Variants in NET1 observed in about 807,000 individuals in gnomAD.
NET1 encodes neuroepithelial cell-transforming gene 1 protein.
In NET1, 42 loss-of-function variants were observed where a neutral mutation model predicts 61.1. The ratio of observed to expected loss-of-function variants is 0.69; its 90% confidence interval spans 0.54 to 0.89. The LOEUF is 0.89. Ranked by LOEUF, NET1 falls within the 40% of genes least tolerant of loss-of-function variation. The pLI is 0.00. For missense variants in NET1, 654 were observed against 747.3 expected (o/e 0.88, Z 1.46); for synonymous variants, 254 against 281.8 (o/e 0.90, Z 0.99).
Position 5,412,931 on chromosome 10 carries a change from C to T in NET1, c.128+111C>T. On this transcript the variant is annotated intron_variant, in intron 1 of 11. Transcript: ENST00000355029. This position sits in a 1 kb window ranked among gnomAD's most constrained non-coding sequence, Gnocchi z 6.5. ...GGGCCGGGGGGAGGGGAGGGCTGGC[C>T]GGGAGTTGGATGTGGGGGGCGGCGA... The T allele has an allele frequency of 3.7e-6, 1 of 272,002 alleles. No homozygotes were observed. Among genetic ancestry groups the T allele is most frequent in the Non-Finnish European group, 5.3e-6 (1 of 189,188 alleles). 16.8% of individuals were successfully genotyped at this position (272,002 alleles called of 1,614,324 possible).
rs112139942 is a variant in NET1, at chr10:5,439,238, C to T, written c.255+10009C>T. Among the ~76,000 whole-genome samples the T allele has an allele frequency of 2.5e-3, 385 of 152,298 alleles. No homozygotes were observed. The highest frequency in any genetic ancestry group is 8.9e-3 in the African/African-American group (368 of 41,568). On this transcript the variant is annotated intron_variant, in intron 3 of 11. Transcript: ENST00000355029. The surrounding 1 kb of genome is among the most constrained non-coding windows in gnomAD (Gnocchi z 4.8). Reference sequence around the variant, plus strand: ...CTGACACTGGAGTGTTCTCCTTTGCCGCTCTCTTTAGGATTACCCCTGAAT... The same window carrying T: ...CTGACACTGGAGTGTTCTCCTTTGCTGCTCTCTTTAGGATTACCCCTGAAT...
At chr10:5,428,771 G>A (rs1412947101) in intron 2 of NET1, among the ~76,000 whole-genome samples, 1 of 149,540 alleles carries the variant, frequency 6.7e-6, no homozygotes, top group Admixed American at 6.7e-5. Flanking sequence ...CACCCAGGCT[G>A]GAGTGCAGTG....
intron 3 of NET1, among the ~76,000 whole-genome samples, chr10:5,438,257 A>T (rs1288175857): frequency 6.6e-6 from 1 of 152,186 alleles, no homozygotes; most frequent in Non-Finnish European, 1.5e-5. Context: ...AGAACGGTGG[A>T]GATAAATAAA....
Position 5,456,560 on chromosome 10 carries a change from CTTTT to C in NET1, c.1385-21_1385-18del. On this transcript the variant is annotated intron_variant, in intron 11 of 11. Transcript: ENST00000355029. This position sits in a 1 kb window ranked among gnomAD's most constrained non-coding sequence, Gnocchi z 7.0. ...AATAAACCTTTTTTTAGCCTGATTT[CTTTT>C]TTTTTTCCAATTTTTTTTTTCAGCT... is the stretch of plus-strand genomic sequence containing the variant. The C allele has an allele frequency of 1.5e-6, 2 of 1,376,388 alleles. No homozygotes were observed. 85.3% of individuals were successfully genotyped at this position (1,376,388 alleles called of 1,614,324 possible). A position where few individuals can be genotyped will look rare whatever the true frequency, so the allele number is the denominator to read the frequency against.
chr10:5,442,109 A>G (rs1832531674), intron 3 of NET1, among the ~76,000 whole-genome samples: 1 of 152,244 alleles, frequency 6.6e-6, no homozygotes, highest in African/African-American at 2.4e-5. Flanking sequence ...AAGGCTGTAC[A>G]AAGACTGAAA....
At chr10:5,414,931 C>T (rs1328757039) in intron 1 of NET1, among the ~76,000 whole-genome samples, 1 of 152,128 alleles carries the variant, frequency 6.6e-6, no homozygotes, top group Non-Finnish European at 1.5e-5. Flanking sequence ...GGAAATGATA[C>T]ATTGTGAGAA....
chr10:5,420,165 T>C lies in NET1; in HGVS notation c.129-6490T>C, dbSNP rs1356418757. ...CATTATGTGTATTTGAAGGGAAATA[T>C]AGCAAATAAAACAAAATTTTAATGC... On this transcript the variant is annotated intron_variant, in intron 1 of 11. Coordinates refer to ENST00000355029, the MANE Select transcript of NET1 (RefSeq NM_001047160.3). The surrounding 1 kb of genome is among the most constrained non-coding windows in gnomAD (Gnocchi z 5.3). Among the ~76,000 whole-genome samples, 1 of 152,226 alleles carries C rather than the reference T, an allele frequency of 6.6e-6. No homozygotes were observed. The highest frequency in any genetic ancestry group is 2.4e-5 in the African/African-American group (1 of 41,466).
chr10:5,413,932 A>G (rs1339891249), intron 1 of NET1, among the ~76,000 whole-genome samples: 3 of 152,202 alleles, frequency 2.0e-5, no homozygotes, highest in Non-Finnish European at 4.4e-5. Flanking sequence ...AAAAGTTATT[A>G]TAGTGATATA....
chr10:5,452,672 A>G lies in NET1; in HGVS notation c.531+147A>G, dbSNP rs749833454. The G allele has an allele frequency of 1.1e-6, 1 of 943,378 alleles. No individual in the cohort carries two copies. Among genetic ancestry groups the G allele is most frequent in the Non-Finnish European group, 1.6e-6 (1 of 634,510 alleles). The allele number at this position is 943,378 out of a possible 1,614,324, so 58.4% of individuals were successfully genotyped here. On this transcript the variant is annotated intron_variant, in intron 5 of 11. Transcript: ENST00000355029. The surrounding 1 kb of genome is among the most constrained non-coding windows in gnomAD (Gnocchi z 4.0). The stretch of plus-strand genomic sequence containing the variant: ...TGATGGATGGTGGTCAAATTAAACA[A>G]CTCTAATAGGGTAAACTTACCAAAC...
At chr10:5,436,593 TAA>T (rs1307965256) in intron 3 of NET1, among the ~76,000 whole-genome samples, 2 of 152,094 alleles carry the variant, frequency 1.3e-5, no homozygotes, top group Non-Finnish European at 2.9e-5. Context: ...AACATAATAA[TAA>T]GTGTTTTAGT....
At chr10:5,450,209 G>C (rs909618167) in intron 3 of NET1, among the ~76,000 whole-genome samples, 2 of 152,254 alleles carry the variant, frequency 1.3e-5, no homozygotes, top group East Asian at 3.9e-4. Context: ...TGATTATTTG[G>C]TATGAGGGGT....
In NET1 at chr10:5,446,766, ATGG is replaced by A. The variant is rs773850807; in HGVS notation, c.256-5060_256-5058del. 3.7e-6 allele frequency: 6 copies of A among 1,602,214 alleles called. No homozygotes were observed. The Admixed American group carries it at 6.8e-5, about 18-fold the overall frequency. Reference sequence around the variant, plus strand: ...AGGTTTGAGGGAGTACTTGGGAAGCATGGTGGCACATGATGAGACTGGAGGTCT... The same window carrying A: ...AGGTTTGAGGGAGTACTTGGGAAGCATGGCACATGATGAGACTGGAGGTCT... On this transcript the variant is annotated intron_variant, in intron 3 of 11. Transcript: ENST00000355029. The surrounding 1 kb of genome is among the most constrained non-coding windows in gnomAD (Gnocchi z 5.0).
In NET1 at chr10:5,426,888, C is replaced by T. The variant is rs1484542242; in HGVS notation, c.195+167C>T. Among the ~76,000 whole-genome samples, 1 of 152,166 alleles carries T rather than the reference C, an allele frequency of 6.6e-6. No individual in the cohort carries two copies. The highest frequency in any genetic ancestry group is 2.4e-5 in the African/African-American group (1 of 41,466). On this transcript the variant is annotated intron_variant, in intron 2 of 11. Coordinates refer to ENST00000355029, the MANE Select transcript of NET1 (RefSeq NM_001047160.3). The surrounding 1 kb of genome is among the most constrained non-coding windows in gnomAD (Gnocchi z 4.6). ...AATTTAGTCCTTTTCTGCTAACAAGCTGTAATAACTTTTTGTTTCAAGTAA... is the reference window on the plus strand; with the variant it reads ...AATTTAGTCCTTTTCTGCTAACAAGTTGTAATAACTTTTTGTTTCAAGTAA...
chr10:5,436,994 A>G (rs541930218), intron 3 of NET1, among the ~76,000 whole-genome samples: 2 of 152,380 alleles, frequency 1.3e-5, no homozygotes, highest in Admixed American at 1.3e-4. Context: ...GTTAAATACA[A>G]AACAATTATT....
rs759548072 is a variant in NET1, at chr10:5,456,783, C to T, written c.1580C>T (p.Pro527Leu). 6.2e-7 allele frequency: 1 copy of T among 1,613,092 alleles called. No individual in the cohort carries two copies. The highest frequency in any genetic ancestry group is 1.3e-5 in the African/African-American group (1 of 74,880). The stretch of plus-strand genomic sequence containing the variant: ...CACGAAGAGTGTGAGGGGAACCACC[C>T]CTCTGCGAGGAAACTCACAGCCCAG... ...ELHEECEGNH[P>L]SARKLTAQRR... is the part of the protein sequence containing the mutation. Residue 527 changes from proline (P) to leucine (L), a missense_variant, in exon 12 of 12, where the codon CCC becomes CTC. Physicochemically the swap from Pro to Leu is moderately conservative, Grantham distance 98. Coordinates refer to ENST00000355029, the MANE Select transcript of NET1 (RefSeq NM_001047160.3). The surrounding 1 kb of genome is among the most constrained non-coding windows in gnomAD (Gnocchi z 7.0).
At chr10:5,436,220 G>A (rs1361679072) in intron 3 of NET1, among the ~76,000 whole-genome samples, 1,691 of 45,250 alleles carry the variant, frequency 0.037, 57 homozygotes, top group Non-Finnish European at 0.048. Context: ...GTGTGTGTGT[G>A]TGTGCATATA....
chr10:5,428,079 G>C (rs1467810291), intron 2 of NET1, among the ~76,000 whole-genome samples: 1 of 94,160 alleles, frequency 1.1e-5, no homozygotes, highest in Non-Finnish European at 2.0e-5. Flanking sequence ...TTCTCTATTG[G>C]CCCTATCTTG....
Position 5,444,734 on chromosome 10 carries a change from T to G in NET1, c.256-7096T>G, listed in dbSNP as rs1026215274. ...ATCTCATTCACTCCCATAGCTTCGA[T>G]TTTTATCTCTGTATCTGACTCTCCA... is the stretch of plus-strand genomic sequence containing the variant. On this transcript the variant is annotated intron_variant, in intron 3 of 11. Coordinates refer to ENST00000355029, the MANE Select transcript of NET1 (RefSeq NM_001047160.3). The surrounding 1 kb of genome is among the most constrained non-coding windows in gnomAD (Gnocchi z 5.3). Among the ~76,000 whole-genome samples the G allele has an allele frequency of 2.0e-5, 3 of 152,254 alleles. No individual in the cohort carries two copies. The highest frequency in any genetic ancestry group is 4.4e-5 in the Non-Finnish European group (3 of 68,042).
In NET1 at chr10:5,444,813, C is replaced by T. The variant is rs1038396936; in HGVS notation, c.256-7017C>T. On this transcript the variant is annotated intron_variant, in intron 3 of 11. Transcript: ENST00000355029. The surrounding 1 kb of genome is among the most constrained non-coding windows in gnomAD (Gnocchi z 5.3). Reference sequence around the variant, plus strand: ...GGTTTTTGTCCAACATTTCCAACTACCAGCAGAATATTTTCATTTGCATGT... The same window carrying T: ...GGTTTTTGTCCAACATTTCCAACTATCAGCAGAATATTTTCATTTGCATGT... 1.3e-5 allele frequency among the ~76,000 whole-genome samples: 2 copies of T among 152,178 alleles called. No homozygotes were observed. Among genetic ancestry groups the T allele is most frequent in the Non-Finnish European group, 2.9e-5 (2 of 68,024 alleles).
Sources: allele counts gnomAD v4.1 joint callset (sites outside exome capture counted in the v4.1 genomes callset), GRCh38; gene constraint gnomAD v4.1.1; non-coding constraint Gnocchi (gnomAD v3.1); transcripts MANE v1.5; gene names NCBI Gene and HGNC (gene_info 2026-07-23, HGNC 2026-07-21).